Variants in IL22RA2 observed in about 807,000 individuals in gnomAD.
The protein encoded by IL22RA2 is interleukin 22 receptor subunit alpha 2.
A neutral mutation model predicts 30.7 loss-of-function variants in IL22RA2; 39 were observed. The observed-to-expected ratio is 1.27, with a 90% CI of 0.98 to 1.66. IL22RA2 has a LOEUF of 1.66. IL22RA2 is among the 40% of genes most tolerant of loss of function. The probability of loss-of-function intolerance (pLI) is 0.00; values close to 1 mark genes in which losing one functional copy is unlikely to be tolerated. For synonymous variants in IL22RA2, 103 were observed against 105.0 expected (o/e 0.98, Z 0.11); for missense variants, 315 against 312.7 (o/e 1.01, Z -0.05).
intron 5 of IL22RA2, among the ~76,000 whole-genome samples, chr6:137,148,909 T>C (rs549249225): frequency 1.3e-5 from 2 of 152,328 alleles, no homozygotes; most frequent in South Asian, 4.1e-4. Flanking sequence ...TGCAATTGAT[T>C]GCAAAATCAG....
In IL22RA2 at chr6:137,147,786, A is replaced by C. The variant is rs1200371506; in HGVS notation, c.578T>G (p.Val193Gly). Residue 193 changes from valine to glycine, a missense_variant, in exon 6 of 7, where the codon GTA (valine) becomes GGA (glycine). Transcript: ENST00000296980. ...LPYRYQKEKN[V>G]SIEDYYELLY... ...TAGTTCATAGTAATCTTCTATAGAT[A>C]CATTTTTTTCCTTTTGGTATCTATA... The C allele has an allele frequency of 1.2e-6, 2 of 1,608,892 alleles. No homozygotes were observed. Among genetic ancestry groups the C allele is most frequent in the Non-Finnish European group, 1.7e-6 (2 of 1,175,574 alleles).
At chr6:137,169,525 G>A (rs1023026703) in intron 1 of IL22RA2, among the ~76,000 whole-genome samples, 1 of 152,174 alleles carries the variant, frequency 6.6e-6, no homozygotes, top group African/African-American at 2.4e-5. Flanking sequence ...CAGAAAAAGA[G>A]TCAAAAGAAA....
rs1359987144 is a variant in IL22RA2, at chr6:137,154,944, C to T, written c.469G>A (p.Glu157Lys). 1 of 1,613,752 alleles carries T rather than the reference C, an allele frequency of 6.2e-7. No individual in the cohort carries two copies. The highest frequency in any genetic ancestry group is 1.3e-5 in the African/African-American group (1 of 74,886). ...SMTPRFTPWWETKIDPPVMNI... is the reference protein window; with the variant it reads ...SMTPRFTPWWKTKIDPPVMNI... ...AAAGAAACTCCATGGAACTCACTTTCCCACCAGGGAGTGAACCGCGGCGTC... is the reference window on the plus strand; with the variant it reads ...AAAGAAACTCCATGGAACTCACTTTTCCACCAGGGAGTGAACCGCGGCGTC... The change falls in exon 5 of 7, where the codon GAA becomes AAA. Residue 157 changes from glutamate to lysine, a missense_variant. Coordinates refer to ENST00000296980, the MANE Select transcript of IL22RA2 (RefSeq NM_052962.3).
intron 1 of IL22RA2, among the ~76,000 whole-genome samples, chr6:137,168,047 C>T (rs1336121965): frequency 1.3e-5 from 2 of 152,146 alleles, no homozygotes; most frequent in Admixed American, 1.3e-4. Flanking sequence ...AGAAAGGTGC[C>T]CATGCATAGT....
chr6:137,146,868 C>T (rs1054992063), intron 6 of IL22RA2, among the ~76,000 whole-genome samples: 14 of 151,896 alleles, frequency 9.2e-5, no homozygotes, highest in African/African-American at 3.4e-4. Flanking sequence ...TGGTGGCATG[C>T]ACCTGTAGTC....
At chr6:137,169,207 G>T (rs1413288523) in intron 1 of IL22RA2, among the ~76,000 whole-genome samples, 1 of 152,208 alleles carries the variant, frequency 6.6e-6, no homozygotes, top group Non-Finnish European at 1.5e-5. Flanking sequence ...GAAACAACTT[G>T]CCTAGGTCAA....
chr6:137,161,301 G>C (rs749791579), intron 2 of IL22RA2, among the ~76,000 whole-genome samples: 1 of 152,178 alleles, frequency 6.6e-6, no homozygotes, highest in Non-Finnish European at 1.5e-5. Context: ...TGGCTTAGGA[G>C]CCTGTGCTGG....
intron 1 of IL22RA2, among the ~76,000 whole-genome samples, chr6:137,170,320 T>C (rs968192506): frequency 2.0e-5 from 3 of 152,192 alleles, no homozygotes; most frequent in Non-Finnish European, 4.4e-5. Flanking sequence ...TAAAATCCTT[T>C]TAAAGTTCCT....
intron 1 of IL22RA2, among the ~76,000 whole-genome samples, chr6:137,165,553 G>T (rs917513293): frequency 6.6e-6 from 1 of 152,142 alleles, no homozygotes; most frequent in Non-Finnish European, 1.5e-5. Context: ...ATGTGGTCGT[G>T]GTTGCGGTCA....
At chr6:137,163,579 G>A (rs931286398) in intron 1 of IL22RA2, among the ~76,000 whole-genome samples, 5 of 152,194 alleles carry the variant, frequency 3.3e-5, no homozygotes, top group African/African-American at 7.2e-5. Flanking sequence ...CAAGAACAGT[G>A]CATAGACATA....
chr6:137,149,899 C>G (rs1235527379), intron 5 of IL22RA2, among the ~76,000 whole-genome samples: 2 of 152,134 alleles, frequency 1.3e-5, no homozygotes, highest in Non-Finnish European at 2.9e-5. Flanking sequence ...TTGAAATGCT[C>G]TATTCTTTGC....
At chr6:137,164,137 G>T (rs75159480) in intron 1 of IL22RA2, among the ~76,000 whole-genome samples, 1 of 152,170 alleles carries the variant, frequency 6.6e-6, no homozygotes, top group Non-Finnish European at 1.5e-5. Context: ...ACTGGAGTGC[G>T]TGCTGAAAAA....
chr6:137,155,621 A>G (rs986381664), intron 4 of IL22RA2, among the ~76,000 whole-genome samples: 3 of 152,112 alleles, frequency 2.0e-5, no homozygotes, highest in Admixed American at 1.3e-4. Context: ...GAATCCATTC[A>G]TGGGGGCAGA....
At chr6:137,171,214 A>G (rs1463674511) in intron 1 of IL22RA2, among the ~76,000 whole-genome samples, 1 of 152,236 alleles carries the variant, frequency 6.6e-6, no homozygotes, top group African/African-American at 2.4e-5. Context: ...ATGCAGCAGC[A>G]GATAAGAGAG....
chr6:137,164,912 T>C (rs1173425956), intron 1 of IL22RA2, among the ~76,000 whole-genome samples: 1 of 152,184 alleles, frequency 6.6e-6, no homozygotes, highest in Admixed American at 6.5e-5. Context: ...CTCTTATAGA[T>C]CTAATGCAGT....
At chr6:137,146,590 T>A (rs564657230) in intron 6 of IL22RA2, among the ~76,000 whole-genome samples, 1 of 152,322 alleles carries the variant, frequency 6.6e-6, no homozygotes, top group Admixed American at 6.5e-5. Context: ...CAAGTTAAAC[T>A]GTGGTTTCTG....
At chr6:137,147,001 A>G (rs1425107252) in intron 6 of IL22RA2, among the ~76,000 whole-genome samples, 1 of 151,600 alleles carries the variant, frequency 6.6e-6, no homozygotes, top group Non-Finnish European at 1.5e-5. Flanking sequence ...GTCTCAAAAA[A>G]AAAATCGCAG....
At chr6:137,159,309 G>A (rs776982404) in intron 2 of IL22RA2, among the ~76,000 whole-genome samples, 18 of 151,762 alleles carry the variant, frequency 1.2e-4, no homozygotes, top group Admixed American at 2.0e-4. Flanking sequence ...TGGGCAGAAG[G>A]AGGAGTCAAG....
At chr6:137,171,951 T>C (rs945336983) in intron 1 of IL22RA2, among the ~76,000 whole-genome samples, 1 of 146,078 alleles carries the variant, frequency 6.8e-6, no homozygotes, top group Non-Finnish European at 1.6e-5. Flanking sequence ...TAGCTTCTGC[T>C]TTGAAAGAAG....
Sources: gnomAD v4.1 joint callset for allele counts (sites outside exome capture counted in the v4.1 genomes callset) on GRCh38, gnomAD v4.1.1 for gene constraint, MANE v1.5 for transcripts, NCBI Gene and HGNC (gene_info 2026-07-23, HGNC 2026-07-21) for gene names.